Variants in LCT observed in about 807,000 individuals in gnomAD.
LCT encodes lactase/phlorizin hydrolase.
A neutral mutation model predicts 173.0 loss-of-function variants in LCT; 90 were observed. That is an observed-to-expected ratio of 0.52 (90% CI 0.44 to 0.62). The LOEUF (loss-of-function observed/expected upper bound fraction) is 0.62, where lower values mean the gene tolerates loss of function less well. Ranked by LOEUF, LCT falls within the 20% of genes least tolerant of loss-of-function variation. The probability of loss-of-function intolerance (pLI) is 0.00; values close to 1 mark genes in which losing one functional copy is unlikely to be tolerated. For missense variants in LCT, 1,864 were observed against 2,431.4 expected, an observed-to-expected ratio of 0.77 and a Z score of 4.91; for synonymous variants, 853 against 957.6, an observed-to-expected ratio of 0.89 and a Z score of 2.02.
intron 3 of LCT, among the ~76,000 whole-genome samples, chr2:135,825,447 A>G (rs1203996822): frequency 6.6e-6 from 1 of 152,108 alleles, no homozygotes; most frequent in African/African-American, 2.4e-5. Flanking sequence ...TTAGGGAAGC[A>G]AGGGTTTTCT....
In LCT at chr2:135,788,060, A is replaced by G. The variant is rs1289910818; in HGVS notation, c.*264T>C. 4.0e-6 allele frequency: 2 copies of G among 503,812 alleles called. No individual in the cohort carries two copies. The highest frequency in any genetic ancestry group is 3.7e-5 in the East Asian group (1 of 27,090). 31.2% of individuals were successfully genotyped at this position (503,812 alleles called of 1,614,324 possible). A position where few individuals can be genotyped will look rare whatever the true frequency, so the allele number is the denominator to read the frequency against. The stretch of plus-strand genomic sequence containing the variant: ...GTTCAATTAAGTGGTTCACAGACCC[A>G]CTAGACCAGTATCTACACGTTTCCG... On this transcript the variant is annotated 3_prime_UTR_variant, in exon 17 of 17. Transcript: ENST00000264162.
intron 9 of LCT, among the ~76,000 whole-genome samples, chr2:135,805,259 A>G (rs1390157614): frequency 1.3e-5 from 2 of 152,106 alleles, no homozygotes; most frequent in African/African-American, 4.8e-5. Flanking sequence ...CAGGAGTTCA[A>G]AACCAGCCTG....
chr2:135,798,620 T>C lies in LCT; in HGVS notation c.4867-482A>G, dbSNP rs528442340. 4.6e-5 allele frequency among the ~76,000 whole-genome samples: 7 copies of C among 152,372 alleles called. No individual in the cohort carries two copies. The East Asian group carries it at 1.3e-3, about 29-fold the overall frequency. ...TGACTTTCCGGGCAAAGTATAACTC[T>C]TAATGGGCTTTCACAGCCCCAGAGT... On this transcript the variant is annotated intron_variant, in intron 12 of 16. Transcript: ENST00000264162.
intron 5 of LCT, among the ~76,000 whole-genome samples, chr2:135,819,606 G>A (rs546682081): frequency 2.8e-4 from 42 of 152,304 alleles, no homozygotes; most frequent in African/African-American, 1.0e-3. Context: ...CCCAGCAGGA[G>A]GCGTCTTCCG....
chr2:135,823,848 C>A, intron 4 of LCT, 53 bp downstream of exon 4: 1 of 1,196,042 alleles, frequency 8.4e-7, no homozygotes, highest in South Asian at 1.2e-5. Context: ...TGCTACCTAG[C>A]ACACCAGTGC....
intron 3 of LCT, 126 bp downstream of exon 3, chr2:135,829,467 C>T: frequency 3.9e-6 from 3 of 778,680 alleles, no homozygotes; most frequent in Non-Finnish European, 6.9e-6. Flanking sequence ...TCCCCAGACA[C>T]AACTCAGCCG....
In LCT at chr2:135,836,742, C is replaced by G; in HGVS notation, c.428G>C (p.Arg143Thr). 1 of 1,614,184 alleles carries G rather than the reference C, an allele frequency of 6.2e-7. No homozygotes were observed. The highest frequency in any genetic ancestry group is 8.5e-7 in the Non-Finnish European group (1 of 1,180,042). Residue 143 changes from arginine (R) to threonine (T), a missense_variant, in exon 1 of 17, where the codon AGA becomes ACA. Coordinates refer to ENST00000264162, the MANE Select transcript of LCT (RefSeq NM_002299.4). ...HQTLPASTLR[R>T]TEAFADLFAD... The stretch of plus-strand genomic sequence containing the variant: ...GAAGAGGTCAGCAAAGGCTTCGGTT[C>G]TCCGGAGGGTGCTGGCAGGGAGGGT...
chr2:135,805,859 C>A (rs1194719546), intron 9 of LCT, among the ~76,000 whole-genome samples: 1 of 152,250 alleles, frequency 6.6e-6, no homozygotes, highest in East Asian at 1.9e-4. Flanking sequence ...AATAAATCTA[C>A]CGTATGGCCA....
rs774945063 is a variant in LCT at position 135,829,573 on chromosome 2, T to A, written c.804+20A>T. 90 of 1,584,776 alleles carry A rather than the reference T, an allele frequency of 5.7e-5. No individual in the cohort carries two copies. The highest frequency in any genetic ancestry group is 7.1e-5 in the Non-Finnish European group (82 of 1,153,526). ...ACCTTCGCTGCATTCATCATTAATG[T>A]GGAAAAGGGCTCAAATTACCTGCAA... On this transcript the variant is annotated intron_variant, in intron 3 of 16. Coordinates refer to ENST00000264162, the MANE Select transcript of LCT (RefSeq NM_002299.4).
At chr2:135,810,052 G>T in intron 7 of LCT, 59 bp from the exon 8 acceptor site, 1 of 1,236,256 alleles carries the variant, frequency 8.1e-7, no homozygotes, top group South Asian at 1.3e-5. Flanking sequence ...ATTGAGATGG[G>T]GTCTCACTGT....
intron 7 of LCT, among the ~76,000 whole-genome samples, chr2:135,810,812 G>A (rs946519980): frequency 5.9e-5 from 9 of 151,746 alleles, no homozygotes; most frequent in African/African-American, 2.2e-4. Flanking sequence ...GGATCATGAG[G>A]TCAGGAGATT....
rs576022373 is a variant in LCT, at chr2:135,790,351, C to T, written c.5335+307G>A. 6.6e-6 allele frequency among the ~76,000 whole-genome samples: 1 copy of T among 152,256 alleles called. No individual in the cohort carries two copies. Among genetic ancestry groups the T allele is most frequent in the East Asian group, 1.9e-4 (1 of 5,174 alleles). On this transcript the variant is annotated intron_variant, in intron 15 of 16. Coordinates refer to ENST00000264162, the MANE Select transcript of LCT (RefSeq NM_002299.4). The surrounding 1 kb of genome is among the most constrained non-coding windows in gnomAD (Gnocchi z 4.1). ...ACCACACAGCCTACTCCTCCTGGGC[C>T]CTACCCAGACCATTCTCAGGAGGGC...
chr2:135,829,532 T>A (rs2077915832), intron 3 of LCT, 61 bp downstream of exon 3: 2 of 1,225,960 alleles, frequency 1.6e-6, no homozygotes, highest in Non-Finnish European at 2.4e-6. Context: ...ATTAAATGTC[T>A]AATCTGCTCT....
intron 6 of LCT, among the ~76,000 whole-genome samples, chr2:135,813,612 G>A (rs2077753395): frequency 6.6e-6 from 1 of 152,222 alleles, no homozygotes; most frequent in Non-Finnish European, 1.5e-5. Flanking sequence ...CCAGAGCTGT[G>A]TAGTAACTTC....
chr2:135,800,856 GT>G, intron 11 of LCT, 47 bp from the exon 12 acceptor site: 1 of 1,460,696 alleles, frequency 6.8e-7, no homozygotes. Context: ...TAGAATGGAT[GT>G]GACTGAGATT....
chr2:135,834,265 A>T (rs1327577883), intron 1 of LCT, among the ~76,000 whole-genome samples: 1 of 151,796 alleles, frequency 6.6e-6, no homozygotes, highest in Non-Finnish European at 1.5e-5. Context: ...GGCTCACTGC[A>T]ACCTCCGCCT....
intron 11 of LCT, among the ~76,000 whole-genome samples, chr2:135,802,484 G>A (rs999328753): frequency 6.6e-6 from 1 of 152,188 alleles, no homozygotes; most frequent in African/African-American, 2.4e-5. Context: ...ACAGATGAAT[G>A]GATAAAGAAA....
At chr2:135,819,768 A>G (rs2077812494) in intron 5 of LCT, among the ~76,000 whole-genome samples, 1 of 152,204 alleles carries the variant, frequency 6.6e-6, no homozygotes, top group Admixed American at 6.5e-5. Context: ...CTCGGTGCTC[A>G]GCCTCTGCGT....
At chr2:135,810,021 A>T in intron 7 of LCT, 28 bp from the exon 8 acceptor site, 1 of 1,451,972 alleles carries the variant, frequency 6.9e-7, no homozygotes, top group South Asian at 1.2e-5. Context: ...AATTAGATTT[A>T]TTTATTTATG....
Sources: gnomAD v4.1 joint callset for allele counts (sites outside exome capture counted in the v4.1 genomes callset) on GRCh38, gnomAD v4.1.1 for gene constraint, Gnocchi (gnomAD v3.1) non-coding constraint, MANE v1.5 for transcripts, NCBI Gene and HGNC (gene_info 2026-07-23, HGNC 2026-07-21) for gene names.